The following COA8 variants were observed in gnomAD, a reference collection of about 807,000 sequenced individuals.
COA8 encodes the protein UPF0671 protein C14orf153.
In COA8, 20 loss-of-function variants were observed where a neutral mutation model predicts 22.0. The observed-to-expected ratio is 0.91, with a 90% CI of 0.64 to 1.32. COA8 has a LOEUF of 1.32. Ranked by LOEUF, COA8 falls within the 40% of genes most tolerant of loss-of-function variation. COA8 has a pLI of 0.00. For missense variants in COA8, 266 were observed against 230.0 expected (o/e 1.16, Z -1.01); for synonymous variants, 105 against 79.9 (o/e 1.31, Z -1.68).
chr14:103,581,738 C>T lies in COA8; in HGVS notation c.386-5536C>T. The T allele has an allele frequency of 2.5e-6, 1 of 397,528 alleles. No individual in the cohort carries two copies. The highest frequency in any genetic ancestry group is 6.3e-4 in the Middle Eastern group (1 of 1,588). The allele number at this position is 397,528 out of a possible 1,614,324, so 24.6% of individuals were successfully genotyped here. ...GGCAGAACTGAAGGGAAAAGCAGAG[C>T]AGGGGGCTGTAGAGTTAAACTGTTC... On this transcript the variant is annotated intron_variant, in intron 3 of 4. Transcript: ENST00000409074. This position sits in a 1 kb window ranked among gnomAD's most constrained non-coding sequence, Gnocchi z 4.1.
intron 1 of COA8, among the ~76,000 whole-genome samples, chr14:103,568,978 C>T (rs565928556): frequency 1.1e-4 from 16 of 152,226 alleles, no homozygotes; most frequent in African/African-American, 3.9e-4. Context: ...CCCTCCCAGA[C>T]CCAAAGATGC....
At chr14:103,578,490 A>G (rs2076244930) in intron 3 of COA8, among the ~76,000 whole-genome samples, 1 of 152,182 alleles carries the variant, frequency 6.6e-6, no homozygotes, top group Non-Finnish European at 1.5e-5. Flanking sequence ...CCTCTAATGT[A>G]TTTCATTCCC....
chr14:103,571,532 G>T (rs7149566), intron 1 of COA8, 91 bp from the exon 2 acceptor site: 22 of 1,312,532 alleles, frequency 1.7e-5, no homozygotes, highest in Non-Finnish European at 2.2e-5. Context: ...GCGAGACTCC[G>T]TCTCTAAGTA....
rs372721120 is a variant in COA8 at position 103,578,148 on chromosome 14, T to C, written c.385+3978T>C. On this transcript the variant is annotated intron_variant, in intron 3 of 4. Coordinates refer to ENST00000409074, the MANE Select transcript of COA8 (RefSeq NM_001370595.2). ...GGTGGAGGCTGCAGTGAGCCGAGAT[T>C]GTGTCACTGCACTCCAGCCTGAGTG... Among the ~76,000 whole-genome samples, 22 of 151,868 alleles carry C rather than the reference T, an allele frequency of 1.4e-4. 1 individual carries two copies. In the South Asian group the frequency reaches 3.1e-3, roughly 22 times the overall value.
intron 3 of COA8, among the ~76,000 whole-genome samples, chr14:103,574,956 T>C (rs1377568396): frequency 6.6e-6 from 1 of 152,228 alleles, no homozygotes. Flanking sequence ...TAGATACTGT[T>C]ATCTTTACCA....
rs185048632 is a variant in COA8 at position 103,575,115 on chromosome 14, C to T, written c.385+945C>T. On this transcript the variant is annotated intron_variant, in intron 3 of 4. Transcript: ENST00000409074. ...TCAGCGCATTCCATGCTGACCTGGC[C>T]GTGTATGCGTGCGTGTGTACGCATG... 2.8e-3 allele frequency among the ~76,000 whole-genome samples: 432 copies of T among 152,346 alleles called. 2 individuals carry two copies. Among genetic ancestry groups the T allele is most frequent in the Middle Eastern group, 0.01 (3 of 294 alleles).
At position 103,563,019 on chromosome 14, in the gene COA8, G is replaced by T. The variant is rs868618550; in HGVS notation, c.18G>T (p.Ala6=). 2.6e-6 allele frequency: 4 copies of T among 1,557,272 alleles called. No homozygotes were observed. In the South Asian group the frequency reaches 4.6e-5, roughly 18 times the overall value. MVVLR[A]GKKTFLPPLC... The stretch of plus-strand genomic sequence containing the variant: ...GTGGGGCCATGGTGGTCTTGCGGGC[G>T]GGGAAGAAGACCTTTCTCCCCCCTC... Residue 6 remains alanine, a synonymous_variant, in exon 1 of 5, where the codon GCG becomes GCT. Transcript: ENST00000409074.
intron 3 of COA8, among the ~76,000 whole-genome samples, chr14:103,586,487 C>T (rs554881759): frequency 1.9e-4 from 29 of 152,040 alleles, no homozygotes; most frequent in African/African-American, 6.7e-4. Context: ...GGACTACAGA[C>T]GTGCACCACC....
chr14:103,588,206 T>A, intron 4 of COA8: 1 of 383,916 alleles, frequency 2.6e-6, no homozygotes, highest in African/African-American at 2.1e-5. Flanking sequence ...GGACATGATA[T>A]CTGAGATTTG....
intron 3 of COA8, among the ~76,000 whole-genome samples, chr14:103,582,450 CAT>C (rs1274965286): frequency 1.3e-5 from 2 of 152,190 alleles, no homozygotes; most frequent in Non-Finnish European, 2.9e-5. Context: ...CACTGGTCCT[CAT>C]GTGTAAACAG....
chr14:103,569,687 G>C (rs9652403), intron 1 of COA8, among the ~76,000 whole-genome samples: 98,129 of 152,114 alleles, frequency 0.65, 32,067 homozygotes, highest in African/African-American at 0.74. Context: ...GGGGTGGACC[G>C]TGGTGCCGTC....
rs933296226 is a variant in COA8, at chr14:103,571,713, A to G, written c.214A>G (p.Ile72Val). The change falls in exon 2 of 5, where the codon ATA (isoleucine) becomes GTA (valine). Residue 72 changes from isoleucine to valine, a missense_variant. By Grantham distance (29) the Ile-to-Val change is conservative. Transcript: ENST00000409074. ...AAACCTTCGACCTGTTCACTTTTAC[A>G]TACCTGAAAATGAATCTCCATTGGA... ...YSNLRPVHFYIPENESPLEQK... is the reference protein window; with the variant it reads ...YSNLRPVHFYVPENESPLEQK... 1.9e-5 allele frequency: 31 copies of G among 1,614,076 alleles called. No individual in the cohort carries two copies. The highest frequency in any genetic ancestry group is 2.3e-5 in the Non-Finnish European group (27 of 1,180,000).
intron 1 of COA8, among the ~76,000 whole-genome samples, chr14:103,570,571 A>G (rs150538612): frequency 8.5e-5 from 13 of 152,246 alleles, no homozygotes; most frequent in East Asian, 1.9e-4. Context: ...CATCTCTACT[A>G]AAAATGCAAA....
At chr14:103,566,664 A>G (rs1272617130) in intron 1 of COA8, among the ~76,000 whole-genome samples, 1 of 152,206 alleles carries the variant, frequency 6.6e-6, no homozygotes, top group Non-Finnish European at 1.5e-5. Context: ...TCTGCATGCT[A>G]ACACATGCCT....
intron 1 of COA8, chr14:103,567,550 AAAC>A (rs1178055465): frequency 1.3e-5 from 2 of 152,050 alleles, no homozygotes; most frequent in African/African-American, 4.8e-5. Flanking sequence ...CAGAGACTGA[AAAC>A]AAAAATTTTT....
rs1198330845 is a variant in COA8, at chr14:103,578,207, T to C, written c.385+4037T>C. Among the ~76,000 whole-genome samples the C allele has an allele frequency of 2.0e-5, 3 of 151,852 alleles. No homozygotes were observed. The East Asian group carries it at 5.8e-4, about 29-fold the overall frequency. On this transcript the variant is annotated intron_variant, in intron 3 of 4. Transcript: ENST00000409074. ...AGACTGTCTCCAAAAAAAAAATTCA[T>C]GTGGGGAAACATGGGAAGAGTTCAG...
intron 3 of COA8, among the ~76,000 whole-genome samples, chr14:103,585,358 A>G (rs949940712): frequency 1.3e-5 from 2 of 150,760 alleles, no homozygotes; most frequent in African/African-American, 4.9e-5. Flanking sequence ...ACATACCTGT[A>G]ATCCCAGCTA....
rs2274268 is a variant in COA8, at chr14:103,563,041, C to T, written c.40C>T (p.Pro14Ser). 1.4e-5 allele frequency: 21 copies of T among 1,543,776 alleles called. No individual in the cohort carries two copies. The highest frequency in any genetic ancestry group is 1.3e-4 in the Admixed American group (7 of 52,208). Reference protein sequence around the residue: ...LRAGKKTFLPPLCRAFACRGC... With the variant: ...LRAGKKTFLPSLCRAFACRGC... ...GGCGGGGAAGAAGACCTTTCTCCCC[C>T]CTCTCTGCCGCGCCTTCGCCTGCCG... The change falls in exon 1 of 5, where the codon CCT (proline) becomes TCT (serine). Residue 14 changes from proline to serine, a missense_variant. Pro to Ser is a moderately conservative substitution (Grantham distance 74, BLOSUM62 -1). Coordinates refer to ENST00000409074, the MANE Select transcript of COA8 (RefSeq NM_001370595.2).
chr14:103,569,241 C>T (rs1181701406), intron 1 of COA8, among the ~76,000 whole-genome samples: 1 of 152,202 alleles, frequency 6.6e-6, no homozygotes, highest in African/African-American at 2.4e-5. Context: ...CATTTTCCTC[C>T]CCCAAGCTGC....
Sources: allele counts gnomAD v4.1 joint callset (sites outside exome capture counted in the v4.1 genomes callset), GRCh38; gene constraint gnomAD v4.1.1; non-coding constraint Gnocchi (gnomAD v3.1); transcripts MANE v1.5; gene names NCBI Gene and HGNC (gene_info 2026-07-23, HGNC 2026-07-21).